CHN2: variants seen among roughly 807,000 people sequenced by gnomAD.
CHN2 encodes beta-chimaerin.
CHN2 carries 35 observed loss-of-function variants against 56.3 expected under a neutral mutation model. That is an observed-to-expected ratio of 0.62 (90% confidence interval 0.47 to 0.82). CHN2 has a LOEUF of 0.82. Among genes scored for constraint, CHN2 ranks in the 40% least tolerant of loss-of-function variants. The probability of loss-of-function intolerance (pLI) is 0.00; values close to 1 mark genes in which losing one functional copy is unlikely to be tolerated. For synonymous variants in CHN2, 210 were observed against 212.8 expected (o/e 0.99, Z 0.12); for missense variants, 491 against 580.5 (o/e 0.85, Z 1.58).
rs1026744241 is a variant in CHN2, at chr7:29,500,045, G to A, written c.913+5G>A. 1.3e-6 allele frequency: 2 copies of A among 1,523,524 alleles called. No homozygotes were observed. Among genetic ancestry groups the A allele is most frequent in the African/African-American group, 1.4e-5 (1 of 71,468 alleles). 94.4% of individuals were successfully genotyped at this position (1,523,524 alleles called of 1,614,324 possible). A position where few individuals can be genotyped will look rare whatever the true frequency, so the allele number is the denominator to read the frequency against. On this transcript the variant is annotated splice_donor_5th_base_variant and intron_variant, in intron 9 of 12. Transcript: ENST00000222792. Reference sequence around the variant, plus strand: ...TTCGGGAAATTGAAGCAAGAGGTTTGGAAAATACTTCCTATTATAGTAGTA... The same window carrying A: ...TTCGGGAAATTGAAGCAAGAGGTTTAGAAAATACTTCCTATTATAGTAGTA...
chr7:29,238,081 G>A (rs552761400), intron 1 of CHN2, among the ~76,000 whole-genome samples: 15 of 139,226 alleles, frequency 1.1e-4, no homozygotes, highest in Admixed American at 1.6e-4. Context: ...GCAGTGGTAC[G>A]ATCTCGGCTT....
intron 1 of CHN2, among the ~76,000 whole-genome samples, chr7:29,331,984 CCTGGGCAACAGAGCGAGACT>C (rs1419457200): frequency 3.4e-5 from 5 of 147,992 alleles, no homozygotes; most frequent in Non-Finnish European, 7.4e-5. Context: ...GGCACTCCAG[CCTGGGCAACAGAGCGAGACT>C]CTGTCTCAAA....
At chr7:29,263,521 G>T (rs1264802696) in intron 1 of CHN2, among the ~76,000 whole-genome samples, 3 of 151,160 alleles carry the variant, frequency 2.0e-5, no homozygotes, top group African/African-American at 7.3e-5. Flanking sequence ...CCTCTGCCTG[G>T]CCGCCCAGTC....
Position 29,512,996 on chromosome 7 carries a change from T to A in CHN2, c.*261T>A. On this transcript the variant is annotated 3_prime_UTR_variant, in exon 13 of 13. Coordinates refer to ENST00000222792, the MANE Select transcript of CHN2 (RefSeq NM_004067.4). ...TATGTCTGGTTTGCTGGAAGAGTGA[T>A]TAATACATCTTTAATTTATTAAAAA... The A allele has an allele frequency of 3.0e-6, 1 of 336,636 alleles. No individual in the cohort carries two copies. The allele number at this position is 336,636 out of a possible 1,614,324, so 20.9% of individuals were successfully genotyped here.
chr7:29,368,495 TG>T (rs1799356929), intron 3 of CHN2, among the ~76,000 whole-genome samples: 1 of 152,224 alleles, frequency 6.6e-6, no homozygotes, highest in South Asian at 2.1e-4. Flanking sequence ...TCTCTGATTG[TG>T]TGGGATGCCA....
intron 4 of CHN2, among the ~76,000 whole-genome samples, 157 bp downstream of exon 4, chr7:29,393,867 AT>A (rs1186200262): frequency 6.6e-6 from 1 of 152,184 alleles, no homozygotes; most frequent in African/African-American, 2.4e-5. Flanking sequence ...TTGAATTAAT[AT>A]TTTTTATAGT....
rs1294484708 is a variant in CHN2, at chr7:29,514,037, A to G, written c.*1302A>G. On this transcript the variant is annotated 3_prime_UTR_variant, in exon 13 of 13. Transcript: ENST00000222792. ...AACTCACCAGTCTTGCTTTGGAGTGAGCAGAAGAGAATGACTATTTTACGT... is the reference window on the plus strand; with the variant it reads ...AACTCACCAGTCTTGCTTTGGAGTGGGCAGAAGAGAATGACTATTTTACGT... 1 of 152,642 alleles carries G rather than the reference A, an allele frequency of 6.6e-6. No individual in the cohort carries two copies. Among genetic ancestry groups the G allele is most frequent in the African/African-American group, 2.4e-5 (1 of 41,458 alleles). The allele number at this position is 152,642 out of a possible 1,614,324, so 9.5% of individuals were successfully genotyped here. A position where few individuals can be genotyped will look rare whatever the true frequency, so the allele number is the denominator to read the frequency against.
chr7:29,164,016 T>C (rs545203299), intron 2 of CHN2, among the ~76,000 whole-genome samples: 1 of 152,352 alleles, frequency 6.6e-6, no homozygotes, highest in South Asian at 2.1e-4. Context: ...ATGCTTTCGT[T>C]TCTCTTGGGT....
At chr7:29,150,822 G>T (rs988746286) in intron 2 of CHN2, among the ~76,000 whole-genome samples, 1 of 152,170 alleles carries the variant, frequency 6.6e-6, no homozygotes, top group African/African-American at 2.4e-5. Context: ...ACACAGCTCA[G>T]AGGCACAGCG....
intron 6 of CHN2, among the ~76,000 whole-genome samples, chr7:29,412,412 A>G (rs1407581740): frequency 2.2e-5 from 3 of 138,684 alleles, no homozygotes; most frequent in Admixed American, 8.1e-5. Flanking sequence ...GCTGACTGCA[A>G]CCTTCATCTC....
At chr7:29,347,605 A>AC (rs1430035883) in intron 1 of CHN2, among the ~76,000 whole-genome samples, 1 of 151,918 alleles carries the variant, frequency 6.6e-6, no homozygotes, top group Non-Finnish European at 1.5e-5. Flanking sequence ...GGGGGAAACC[A>AC]CCCCCATGAT....
chr7:29,212,929 C>G, intron 1 of CHN2: 1 of 1,555,470 alleles, frequency 6.4e-7, no homozygotes, highest in Admixed American at 1.8e-5. Context: ...CAACCAGACC[C>G]AGAACATCTA....
chr7:29,249,169 C>G (rs1788299385), intron 1 of CHN2, among the ~76,000 whole-genome samples: 1 of 152,128 alleles, frequency 6.6e-6, no homozygotes, highest in Non-Finnish European at 1.5e-5. Flanking sequence ...AAGCTGGAGA[C>G]TCTGGCATGC....
chr7:29,297,737 A>G (rs986866698), intron 1 of CHN2, among the ~76,000 whole-genome samples: 1 of 152,020 alleles, frequency 6.6e-6, no homozygotes, highest in Non-Finnish European at 1.5e-5. Context: ...TAAGCCAACT[A>G]GTTTAAGGCT....
At chr7:29,331,791 G>A (rs1796236609) in intron 1 of CHN2, among the ~76,000 whole-genome samples, 1 of 152,166 alleles carries the variant, frequency 6.6e-6, no homozygotes, top group Non-Finnish European at 1.5e-5. Context: ...GCCAGGTGTG[G>A]TGGCTCACGC....
At chr7:29,213,366 A>G (rs950790684) in intron 1 of CHN2, among the ~76,000 whole-genome samples, 1 of 152,164 alleles carries the variant, frequency 6.6e-6, no homozygotes, top group Admixed American at 6.5e-5. Flanking sequence ...GATGGAGGAT[A>G]CAGTATGGTT....
intron 6 of CHN2, among the ~76,000 whole-genome samples, chr7:29,464,966 G>A (rs780506404): frequency 2.6e-5 from 4 of 152,170 alleles, no homozygotes; most frequent in Admixed American, 6.5e-5. Context: ...GCCGCCAGCC[G>A]TGTTTTCATC....
At position 29,507,240 on chromosome 7, in the gene CHN2, C is replaced by T; in HGVS notation, c.1004C>T (p.Ala335Val). ...KMAFDRDGEK[A>V]DISANVYPDI... ...GATTGTTTTTCAGATGGTGAAAAGG[C>T]CGATATATCTGCCAATGTCTATCCA... The change falls in exon 11 of 13, where the codon GCC becomes GTC. Residue 335 changes from alanine to valine, a missense_variant. Ala to Val is a moderately conservative substitution (Grantham distance 64). Coordinates refer to ENST00000222792, the MANE Select transcript of CHN2 (RefSeq NM_004067.4). The T allele has an allele frequency of 6.2e-7, 1 of 1,607,816 alleles. No homozygotes were observed. Among genetic ancestry groups the T allele is most frequent in the Non-Finnish European group, 8.5e-7 (1 of 1,178,234 alleles).
intron 1 of CHN2, among the ~76,000 whole-genome samples, chr7:29,322,622 T>C (rs1795449793): frequency 6.6e-6 from 1 of 152,196 alleles, no homozygotes; most frequent in Non-Finnish European, 1.5e-5. Flanking sequence ...TTTATTAGGA[T>C]TTCAATACGG....
Sources: gnomAD v4.1 joint callset for allele counts (sites outside exome capture counted in the v4.1 genomes callset) on GRCh38, gnomAD v4.1.1 for gene constraint, MANE v1.5 for transcripts, NCBI Gene and HGNC (gene_info 2026-07-23, HGNC 2026-07-21) for gene names.